The following DIAPH3 variants were observed in gnomAD, a reference collection of about 807,000 sequenced individuals.
DIAPH3 encodes diaphanous related formin 3, also known as protein diaphanous homolog 3.
In DIAPH3, 117 loss-of-function variants were observed where a neutral mutation model predicts 144.3. The ratio of observed to expected loss-of-function variants is 0.81; its 90% CI spans 0.70 to 0.95. DIAPH3 has a LOEUF of 0.95. Among genes scored for constraint, DIAPH3 ranks in the 40% least tolerant of loss-of-function variants. The pLI, the probability that DIAPH3 is intolerant of heterozygous loss-of-function variation, is 0.00. For missense variants in DIAPH3, 1,421 were observed against 1,412.7 expected, an observed-to-expected ratio of 1.01 and a Z score of -0.09; for synonymous variants, 519 against 488.9, an observed-to-expected ratio of 1.06 and a Z score of -0.81.
chr13:59,807,656 G>A (rs1164929923), intron 25 of DIAPH3, among the ~76,000 whole-genome samples: 1 of 152,006 alleles, frequency 6.6e-6, no homozygotes, highest in Non-Finnish European at 1.5e-5. Flanking sequence ...GGTTTGGAAA[G>A]TCCTATTGGG....
chr13:59,782,740 G>A (rs2038805703), intron 25 of DIAPH3, among the ~76,000 whole-genome samples: 1 of 152,188 alleles, frequency 6.6e-6, no homozygotes, highest in Non-Finnish European at 1.5e-5. Context: ...TGGTGGGCAT[G>A]TAGTATGGGG....
intron 22 of DIAPH3, among the ~76,000 whole-genome samples, chr13:59,852,271 G>C (rs2043020667): frequency 1.3e-5 from 2 of 152,036 alleles, no homozygotes; most frequent in African/African-American, 2.4e-5. Context: ...ATTTTCTTTA[G>C]GTTTTCCTAT....
chr13:59,847,089 A>C (rs982798944), intron 22 of DIAPH3, among the ~76,000 whole-genome samples: 4 of 152,122 alleles, frequency 2.6e-5, no homozygotes, highest in Non-Finnish European at 5.9e-5. Flanking sequence ...AAAAAAAAGA[A>C]AGACAAAGGA....
chr13:59,772,106 C>CGTA (rs2038154831), intron 27 of DIAPH3, among the ~76,000 whole-genome samples: 1 of 151,732 alleles, frequency 6.6e-6, no homozygotes, highest in Non-Finnish European at 1.5e-5. Flanking sequence ...ATAGTTCAGT[C>CGTA]GTAGGGTTAG....
chr13:59,992,044 C>T, intron 11 of DIAPH3, 24 bp downstream of exon 11: 3 of 1,573,862 alleles, frequency 1.9e-6, no homozygotes, highest in African/African-American at 1.4e-5. Context: ...TATGATTTGA[C>T]TAGACTTCAG....
chr13:59,945,784 G>A (rs949561279), intron 17 of DIAPH3, among the ~76,000 whole-genome samples: 4 of 152,274 alleles, frequency 2.6e-5, no homozygotes, highest in African/African-American at 4.8e-5. Flanking sequence ...GGGTCAAGAG[G>A]TACAGGTGAG....
chr13:59,723,422 C>G (rs140999914), intron 27 of DIAPH3, among the ~76,000 whole-genome samples: 65 of 152,166 alleles, frequency 4.3e-4, no homozygotes, highest in African/African-American at 1.4e-3. Flanking sequence ...TGTTATACCC[C>G]TGGCTAATTA....
chr13:59,825,697 T>C (rs915462944), intron 24 of DIAPH3, among the ~76,000 whole-genome samples: 1 of 152,126 alleles, frequency 6.6e-6, no homozygotes. Flanking sequence ...CCCAGCACCT[T>C]TTGTTTCCTG....
chr13:59,821,697 A>G (rs1419063337), intron 24 of DIAPH3, among the ~76,000 whole-genome samples: 1 of 152,194 alleles, frequency 6.6e-6, no homozygotes, highest in African/African-American at 2.4e-5. Flanking sequence ...TGTTTTAGAA[A>G]GAAATCTAGA....
chr13:60,008,479 T>A, intron 9 of DIAPH3, 65 bp downstream of exon 9: 2 of 1,025,528 alleles, frequency 2.0e-6, no homozygotes, highest in Non-Finnish European at 3.0e-6. Context: ...TATAAACCAA[T>A]CATAAAACCG....
At chr13:59,732,175 GAA>G (rs1015168810) in intron 27 of DIAPH3, among the ~76,000 whole-genome samples, 2 of 150,142 alleles carry the variant, frequency 1.3e-5, no homozygotes, top group East Asian at 2.0e-4. Flanking sequence ...GTCCTCTTGT[GAA>G]AAAAAAAGTT....
At chr13:60,133,174 T>G (rs1483992258) in intron 1 of DIAPH3, among the ~76,000 whole-genome samples, 185 bp from the exon 2 acceptor site, 1 of 152,066 alleles carries the variant, frequency 6.6e-6, no homozygotes, top group Non-Finnish European at 1.5e-5. Flanking sequence ...AAAGTTACCC[T>G]GCGTGTGATA....
chr13:59,883,977 AG>A (rs1419398773), intron 20 of DIAPH3, among the ~76,000 whole-genome samples: 9 of 152,090 alleles, frequency 5.9e-5, no homozygotes, highest in African/African-American at 2.2e-4. Context: ...TCTCCACATC[AG>A]GGATCCCACA....
chr13:59,812,727 T>TA (rs1334752640), intron 24 of DIAPH3, among the ~76,000 whole-genome samples: 1 of 152,012 alleles, frequency 6.6e-6, no homozygotes, highest in Non-Finnish European at 1.5e-5. Flanking sequence ...TATAAAGGTA[T>TA]AAGATGAGGT....
At chr13:59,931,713 C>G (rs183484389) in intron 17 of DIAPH3, among the ~76,000 whole-genome samples, 3 of 152,304 alleles carry the variant, frequency 2.0e-5, no homozygotes, top group South Asian at 4.1e-4. Flanking sequence ...AGAGGATACT[C>G]AGGCTTAAGC....
At chr13:60,127,874 T>A (rs910951605) in intron 2 of DIAPH3, among the ~76,000 whole-genome samples, 5 of 152,150 alleles carry the variant, frequency 3.3e-5, no homozygotes, top group Non-Finnish European at 7.4e-5. Flanking sequence ...ATAATGCACG[T>A]AAATTATATT....
intron 25 of DIAPH3, among the ~76,000 whole-genome samples, chr13:59,776,743 G>A (rs1264196375): frequency 6.6e-6 from 1 of 152,112 alleles, no homozygotes; most frequent in Non-Finnish European, 1.5e-5. Flanking sequence ...ATTGTTGGTA[G>A]TGGTATTGAT....
intron 3 of DIAPH3, among the ~76,000 whole-genome samples, chr13:60,106,965 T>G (rs1444074246): frequency 6.6e-6 from 1 of 152,156 alleles, no homozygotes; most frequent in African/African-American, 2.4e-5. Context: ...TATTCCAGAC[T>G]GAAGAAGATT....
At chr13:60,103,109 A>T (rs912270839) in intron 3 of DIAPH3, among the ~76,000 whole-genome samples, 3 of 152,012 alleles carry the variant, frequency 2.0e-5, no homozygotes, top group Admixed American at 6.6e-5. Context: ...CTGATTTTTT[A>T]AAAATAGTAC....
Sources: gnomAD v4.1 joint callset for allele counts (sites outside exome capture counted in the v4.1 genomes callset) on GRCh38, gnomAD v4.1.1 for gene constraint, MANE v1.5 for transcripts, NCBI Gene and HGNC (gene_info 2026-07-23, HGNC 2026-07-21) for gene names.